SLC2A9: variants seen among roughly 807,000 people sequenced by gnomAD.
SLC2A9 encodes solute carrier family 2, facilitated glucose transporter member 9.
Under a neutral mutation model 50.6 loss-of-function variants are expected in SLC2A9, and 39 were observed. The observed-to-expected ratio is 0.77, with a 90% CI of 0.60 to 1.01. The LOEUF (loss-of-function observed/expected upper bound fraction) is 1.01, where lower values mean the gene tolerates loss of function less well. Among genes scored for constraint, SLC2A9 ranks in the 50% least tolerant of loss-of-function variants. The pLI is 0.00. For missense variants in SLC2A9, 686 were observed against 677.6 expected (o/e 1.01, Z -0.14); for synonymous variants, 324 against 276.9 (o/e 1.17, Z -1.69).
At chr4:9,795,747 C>T (rs1341733101), downstream of SLC2A9, among the ~76,000 whole-genome samples, 1 of 152,166 alleles carries the variant, frequency 6.6e-6, no homozygotes, top group Non-Finnish European at 1.5e-5. Flanking sequence ...GGACGCATTG[C>T]CTTGGTCAGG....
intron 7 of SLC2A9, among the ~76,000 whole-genome samples, chr4:9,909,654 T>A (rs534785779): frequency 1.3e-5 from 2 of 152,324 alleles, no homozygotes; most frequent in South Asian, 4.1e-4. Flanking sequence ...TGGGTGAGAA[T>A]TGTCACTCTT....
intron 1 of SLC2A9, among the ~76,000 whole-genome samples, chr4:10,027,131 C>T (rs1443563403): frequency 6.6e-6 from 1 of 152,060 alleles, no homozygotes; most frequent in South Asian, 2.1e-4. Flanking sequence ...TTGGCAAATC[C>T]GTGGAGACAG....
chr4:10,016,333 A>T (rs1762601373), intron 2 of SLC2A9, among the ~76,000 whole-genome samples: 1 of 152,230 alleles, frequency 6.6e-6, no homozygotes, highest in African/African-American at 2.4e-5. Context: ...TGGGAAAGTC[A>T]GTGAACAGTG....
intron 3 of SLC2A9, among the ~76,000 whole-genome samples, chr4:9,802,267 T>C (rs1721518844): frequency 8.6e-6 from 1 of 116,450 alleles, no homozygotes; most frequent in Non-Finnish European, 2.2e-5. Context: ...TGAAAAATGC[T>C]CTTTTTTTTT....
At chr4:9,870,850 C>A (rs1246340752) in intron 10 of SLC2A9, among the ~76,000 whole-genome samples, 8 of 152,118 alleles carry the variant, frequency 5.3e-5, no homozygotes, top group South Asian at 4.1e-4. Flanking sequence ...GGTCTCCTTG[C>A]GGAGACTTTG....
At chr4:9,978,359 A>G (rs979859540) in intron 5 of SLC2A9, among the ~76,000 whole-genome samples, 1 of 152,230 alleles carries the variant, frequency 6.6e-6, no homozygotes, top group African/African-American at 2.4e-5. Context: ...AAGCAGGAGA[A>G]AGAACTTGAT....
chr4:10,038,298 A>G (rs1324120297), intron 1 of SLC2A9, among the ~76,000 whole-genome samples: 1 of 151,892 alleles, frequency 6.6e-6, no homozygotes, highest in Non-Finnish European at 1.5e-5. Flanking sequence ...CTTGAGGTCA[A>G]GGAGTTCAAG....
chr4:9,830,111 C>A (rs1483629092), intron 11 of SLC2A9, among the ~76,000 whole-genome samples: 2 of 152,122 alleles, frequency 1.3e-5, no homozygotes, highest in Non-Finnish European at 2.9e-5. Context: ...ATGGAATCAA[C>A]CCAAATGTGC....
chr4:9,833,945 A>G (rs1726612743), intron 11 of SLC2A9, among the ~76,000 whole-genome samples: 1 of 152,150 alleles, frequency 6.6e-6, no homozygotes, highest in Non-Finnish European at 1.5e-5. Flanking sequence ...CTCTGTGCAG[A>G]AGGCTTGCAA....
intron 5 of SLC2A9, among the ~76,000 whole-genome samples, chr4:9,972,408 A>G (rs1448366886): frequency 6.6e-6 from 1 of 152,226 alleles, no homozygotes; most frequent in Non-Finnish European, 1.5e-5. Context: ...AGTCACATAA[A>G]TGTTCAGCCA....
At chr4:9,780,914 C>T (rs1429645540) in intron 3 of SLC2A9, among the ~76,000 whole-genome samples, 6 of 152,178 alleles carry the variant, frequency 3.9e-5, no homozygotes, top group Non-Finnish European at 5.9e-5. Flanking sequence ...AAAGAAGAGG[C>T]CTCCAACTCT....
intron 8 of SLC2A9, among the ~76,000 whole-genome samples, chr4:9,893,736 G>C (rs780609333): frequency 3.9e-5 from 6 of 152,142 alleles, no homozygotes; most frequent in Non-Finnish European, 8.8e-5. Flanking sequence ...CTGGGTCCTA[G>C]TGCCAGGAGG....
intron 7 of SLC2A9, among the ~76,000 whole-genome samples, chr4:9,914,700 T>C (rs2110042095): frequency 6.6e-6 from 1 of 152,152 alleles, no homozygotes; most frequent in East Asian, 1.9e-4. Flanking sequence ...ACCCCAGCAA[T>C]TGCTATGGTG....
chr4:9,882,888 G>T (rs1457788789), intron 10 of SLC2A9, among the ~76,000 whole-genome samples: 1 of 152,082 alleles, frequency 6.6e-6, no homozygotes, highest in East Asian at 1.9e-4. Flanking sequence ...AGAACAATAA[G>T]GGAGAGTCCT....
chr4:9,910,800 T>C (rs1237520528), intron 7 of SLC2A9, among the ~76,000 whole-genome samples: 1 of 152,192 alleles, frequency 6.6e-6, no homozygotes, highest in African/African-American at 2.4e-5. Flanking sequence ...AAGAGAGTCA[T>C]TGTACATAAA....
intron 3 of SLC2A9, among the ~76,000 whole-genome samples, chr4:9,803,514 C>T (rs1272080454): frequency 6.6e-6 from 1 of 152,218 alleles, no homozygotes; most frequent in Non-Finnish European, 1.5e-5. Flanking sequence ...AAAGCCAGTA[C>T]ACAGCAAAGC....
rs181509591 is a variant in SLC2A9, at chr4:9,996,817, G to C, written c.374C>G (p.Thr125Arg). 24 of 1,613,916 alleles carry C rather than the reference G, an allele frequency of 1.5e-5. No individual in the cohort carries two copies. The highest frequency in any genetic ancestry group is 1.9e-5 in the Non-Finnish European group (23 of 1,179,968). ...CTTTCCAATCATCTTCACAATTAAC[G>C]TCCCCACAAGTCCACCGATGGCGAA... ...SIFAIGGLVG[T>R]LIVKMIGKVL... is the part of the protein sequence containing the mutation. The change falls in exon 3 of 12, where the codon ACG (threonine) becomes AGG (arginine). Residue 125 changes from threonine (T) to arginine (R), a missense_variant. Coordinates refer to ENST00000264784, the MANE Select transcript of SLC2A9 (RefSeq NM_020041.3).
intron 3 of SLC2A9, among the ~76,000 whole-genome samples, chr4:9,814,135 A>G (rs1411269746): frequency 1.3e-5 from 2 of 152,134 alleles, no homozygotes; most frequent in Non-Finnish European, 2.9e-5. Context: ...GTGAGACTCC[A>G]TCGCAAAAAT....
intron 2 of SLC2A9, among the ~76,000 whole-genome samples, chr4:10,004,323 C>T (rs1271760362): frequency 1.3e-5 from 2 of 152,184 alleles, no homozygotes; most frequent in African/African-American, 2.4e-5. Context: ...CCTCACAGTG[C>T]TCTCCTCTTC....
Sources: gnomAD v4.1 joint callset for allele counts (sites outside exome capture counted in the v4.1 genomes callset) on GRCh38, gnomAD v4.1.1 for gene constraint, MANE v1.5 for transcripts, NCBI Gene and HGNC (gene_info 2026-07-23, HGNC 2026-07-21) for gene names.